The following TRPM1 variants were observed in gnomAD, a reference collection of about 807,000 sequenced individuals.
The protein encoded by TRPM1 is transient receptor potential cation channel subfamily M member 1.
In TRPM1, 113 loss-of-function variants were observed where a neutral mutation model predicts 149.4. The ratio of observed to expected loss-of-function variants is 0.76; its 90% CI spans 0.65 to 0.88. The LOEUF is 0.88. Among genes scored for constraint, TRPM1 ranks in the 40% least tolerant of loss-of-function variants. The probability of loss-of-function intolerance (pLI) is 0.00; values close to 1 mark genes in which losing one functional copy is unlikely to be tolerated. For synonymous variants in TRPM1, 741 were observed against 759.5 expected (o/e 0.98, Z 0.40); for missense variants, 1,976 against 2,038.7 (o/e 0.97, Z 0.59).
intron 1 of TRPM1, among the ~76,000 whole-genome samples, chr15:31,089,123 C>T (rs575150888): frequency 3.2e-4 from 49 of 152,284 alleles, no homozygotes; most frequent in Middle Eastern, 6.8e-3. Flanking sequence ...GTGATGAATA[C>T]AGTGTGGAAA....
chr15:31,113,868 G>A (rs141048849), intron 1 of TRPM1, among the ~76,000 whole-genome samples: 1,977 of 152,284 alleles, frequency 0.013, 55 homozygotes, highest in African/African-American at 0.045. Context: ...CACGCTGGAA[G>A]GGTACCGAGC....
At chr15:31,076,504 G>T (rs2034697235) in intron 3 of TRPM1, among the ~76,000 whole-genome samples, 3 of 152,198 alleles carry the variant, frequency 2.0e-5, no homozygotes, top group Admixed American at 2.0e-4. Context: ...CTTTAATAAA[G>T]TTATAGCTAG....
In TRPM1 at chr15:31,068,069, G is replaced by C; in HGVS notation, c.303C>G (p.Thr101=). The C allele has an allele frequency of 1.9e-6, 3 of 1,614,146 alleles. No individual in the cohort carries two copies. Among genetic ancestry groups the C allele is most frequent in the Non-Finnish European group, 1.7e-6 (2 of 1,180,010 alleles). The stretch of plus-strand genomic sequence containing the variant: ...TGAGATGGAGCAGTGAGTCTGGCTT[G>C]GTGTCATAGGATACACGGATATACT... ...KAMYIRVSYD[T]KPDSLLHLMV... The change falls in exon 5 of 28, where the codon ACC becomes ACG. Residue 101 remains threonine, a synonymous_variant. Coordinates refer to ENST00000256552, the MANE Select transcript of TRPM1 (RefSeq NM_001252024.2).
intron 27 of TRPM1, among the ~76,000 whole-genome samples, chr15:31,024,940 CA>C (rs2032670698): frequency 6.6e-6 from 1 of 152,078 alleles, no homozygotes; most frequent in South Asian, 2.1e-4. Flanking sequence ...TTGGTTGGGT[CA>C]CAAGGTGACT....
chr15:31,146,053 G>A (rs1463305680), intron 1 of TRPM1, among the ~76,000 whole-genome samples: 1 of 152,188 alleles, frequency 6.6e-6, no homozygotes, highest in Non-Finnish European at 1.5e-5. Flanking sequence ...GACACACTTG[G>A]TTTATGAGGA....
chr15:31,122,467 A>C (rs992078307), intron 1 of TRPM1, among the ~76,000 whole-genome samples: 4 of 152,250 alleles, frequency 2.6e-5, no homozygotes, highest in African/African-American at 9.6e-5. Flanking sequence ...CTTGGAACTA[A>C]TAAGTGATAA....
chr15:31,109,063 A>G (rs527337520), intron 1 of TRPM1, among the ~76,000 whole-genome samples: 2 of 152,176 alleles, frequency 1.3e-5, no homozygotes, highest in South Asian at 4.1e-4. Context: ...CTAGTAGGGG[A>G]GCCAGTGCTC....
chr15:31,106,459 A>G (rs2035608416), upstream of TRPM1, among the ~76,000 whole-genome samples: 4 of 152,184 alleles, frequency 2.6e-5, no homozygotes, highest in Admixed American at 2.0e-4. Context: ...TTAAAAAAAA[A>G]TTATTGTTTT....
intron 1 of TRPM1, among the ~76,000 whole-genome samples, chr15:31,150,919 T>C (rs1437385184): frequency 2.0e-5 from 3 of 152,074 alleles, no homozygotes; most frequent in East Asian, 1.9e-4. Context: ...CAAAGCAATA[T>C]GGAGTATCTC....
intron 1 of TRPM1, among the ~76,000 whole-genome samples, chr15:31,124,014 C>T (rs12324276): frequency 0.023 from 3,507 of 152,234 alleles, 131 homozygotes; most frequent in African/African-American, 0.081. Flanking sequence ...AATAAGCCAT[C>T]GGGGCTGGGT....
intron 20 of TRPM1, among the ~76,000 whole-genome samples, chr15:31,037,501 G>A (rs1483621742): frequency 1.3e-5 from 2 of 152,120 alleles, no homozygotes; most frequent in Non-Finnish European, 2.9e-5. Flanking sequence ...GGTGTATTTG[G>A]GACTAGGATG....
intron 1 of TRPM1, among the ~76,000 whole-genome samples, chr15:31,134,847 C>A (rs2036067099): frequency 6.6e-6 from 1 of 152,058 alleles, no homozygotes. Context: ...ACTAAAAATA[C>A]AAAAAATTAG....
intron 1 of TRPM1, among the ~76,000 whole-genome samples, chr15:31,113,794 A>T (rs2035754232): frequency 6.6e-6 from 1 of 152,184 alleles, no homozygotes; most frequent in Non-Finnish European, 1.5e-5. Flanking sequence ...GGTGGCAAGG[A>T]CCCACAGTTA....
rs556379802 is a variant in TRPM1, at chr15:31,049,989, G to T, written c.1437+420C>A. ...AACTGCCATGCGATGTGTGGCTCCAGCCTCCCCACCTAAACTGCTGTTACC... is the reference window on the plus strand; with the variant it reads ...AACTGCCATGCGATGTGTGGCTCCATCCTCCCCACCTAAACTGCTGTTACC... On this transcript the variant is annotated intron_variant, in intron 12 of 27. Coordinates refer to ENST00000256552, the MANE Select transcript of TRPM1 (RefSeq NM_001252024.2). Among the ~76,000 whole-genome samples, 3 of 152,310 alleles carry T rather than the reference G, an allele frequency of 2.0e-5. No homozygotes were observed. The East Asian group carries it at 5.8e-4, about 29-fold the overall frequency.
intron 19 of TRPM1, 75 bp from the exon 20 acceptor site, chr15:31,037,917 C>T (rs1368267366): frequency 6.2e-7 from 1 of 1,612,386 alleles, no homozygotes; most frequent in African/African-American, 1.3e-5. Flanking sequence ...ACACAGGCAC[C>T]ATTAGAAAAA....
intron 25 of TRPM1, 112 bp downstream of exon 25, chr15:31,028,220 C>A: frequency 7.1e-7 from 1 of 1,410,414 alleles, no homozygotes; most frequent in South Asian, 1.2e-5. Flanking sequence ...ACTTAAAAAC[C>A]CTAATGAAAT....
intron 1 of TRPM1, among the ~76,000 whole-genome samples, chr15:31,128,867 C>G (rs1395233137): frequency 2.0e-5 from 3 of 152,230 alleles, no homozygotes; most frequent in South Asian, 4.1e-4. Context: ...TTTTATTTTG[C>G]ATAGAACTCA....
chr15:31,013,837 A>T (rs992215473), intron 27 of TRPM1, among the ~76,000 whole-genome samples: 1 of 152,128 alleles, frequency 6.6e-6, no homozygotes, highest in Non-Finnish European at 1.5e-5. Flanking sequence ...GTGGCCACTG[A>T]AGTTTGTATT....
At chr15:31,071,913 G>A (rs1454106774) in intron 3 of TRPM1, among the ~76,000 whole-genome samples, 2 of 147,864 alleles carry the variant, frequency 1.4e-5, no homozygotes, top group Non-Finnish European at 3.0e-5. Flanking sequence ...GCAATGAGCC[G>A]GGATCGTGGC....
Sources: gnomAD v4.1 joint callset for allele counts (sites outside exome capture counted in the v4.1 genomes callset) on GRCh38, gnomAD v4.1.1 for gene constraint, MANE v1.5 for transcripts, NCBI Gene and HGNC (gene_info 2026-07-23, HGNC 2026-07-21) for gene names.